The following RALGPS1 variants were observed in gnomAD, a reference collection of about 807,000 sequenced individuals.
The protein encoded by RALGPS1 is Ral GEF with PH domain and SH3 binding motif 1.
RALGPS1 carries 19 observed loss-of-function variants against 78.8 expected under a neutral mutation model. That is an observed-to-expected ratio of 0.24 (90% CI 0.17 to 0.35). RALGPS1 has a LOEUF of 0.35. Among genes scored for constraint, RALGPS1 ranks in the 10% least tolerant of loss-of-function variants. The probability of loss-of-function intolerance (pLI) is 1.00; values close to 1 mark genes in which losing one functional copy is unlikely to be tolerated. For synonymous variants in RALGPS1, 228 were observed against 256.3 expected (o/e 0.89, Z 1.06); for missense variants, 454 against 688.3 (o/e 0.66, Z 3.81).
chr9:127,148,319 C>T (rs2058221401), intron 8 of RALGPS1, among the ~76,000 whole-genome samples: 1 of 152,198 alleles, frequency 6.6e-6, no homozygotes, highest in African/African-American at 2.4e-5. Flanking sequence ...GGATGTGGGG[C>T]TCCCATGGAA....
At position 127,218,685 on chromosome 9, in the gene RALGPS1, C is replaced by T; in HGVS notation, c.1645-55C>T. On this transcript the variant is annotated intron_variant, in intron 18 of 18. Transcript: ENST00000259351. This position sits in a 1 kb window ranked among gnomAD's most constrained non-coding sequence, Gnocchi z 4.4. ...GTCCCTTCCCCTAGGGACCACCACC[C>T]CTTGTCCTTCTCTGAGGTCGGAACT... 1.9e-6 allele frequency: 3 copies of T among 1,575,130 alleles called. No homozygotes were observed. The highest frequency in any genetic ancestry group is 2.6e-6 in the Non-Finnish European group (3 of 1,144,612).
chr9:127,159,278 G>A (rs1246441870), intron 8 of RALGPS1, among the ~76,000 whole-genome samples: 1 of 152,152 alleles, frequency 6.6e-6, no homozygotes, highest in Non-Finnish European at 1.5e-5. Context: ...TACATTACCA[G>A]GCAATCCCCA....
rs939742183 is a variant in RALGPS1, at chr9:127,050,058, G to A, written c.316G>A (p.Val106Ile). 1 of 1,613,700 alleles carries A rather than the reference G, an allele frequency of 6.2e-7. No homozygotes were observed. The highest frequency in any genetic ancestry group is 8.5e-7 in the Non-Finnish European group (1 of 1,179,638). ...RRFNQVSFWV[V>I]REILTAQTLK... ...GACTCTACAGGTCAGTTTTTGGGTT[G>A]TACGAGAAATTCTAACAGCACAGAC... The change falls in exon 6 of 19, where the codon GTA becomes ATA. Residue 106 changes from valine (V) to isoleucine (I), a missense_variant. Transcript: ENST00000259351.
At chr9:127,021,511 AAG>A (rs2045442878) in intron 4 of RALGPS1, among the ~76,000 whole-genome samples, 1 of 151,616 alleles carries the variant, frequency 6.6e-6, no homozygotes, top group Non-Finnish European at 1.5e-5. Flanking sequence ...AAAAAAAAAA[AAG>A]GCATTCAGAT....
chr9:127,078,846 T>G (rs1181226800), intron 8 of RALGPS1, among the ~76,000 whole-genome samples: 3 of 152,240 alleles, frequency 2.0e-5, no homozygotes, highest in African/African-American at 4.8e-5. Flanking sequence ...AATTAGAAAC[T>G]AACACTAATT....
intron 3 of RALGPS1, among the ~76,000 whole-genome samples, chr9:126,977,193 C>T (rs1320278167): frequency 6.6e-6 from 1 of 152,142 alleles, no homozygotes; most frequent in Non-Finnish European, 1.5e-5. Flanking sequence ...TCTTGAATAG[C>T]ACTCTACCAT....
At chr9:127,217,060 C>T (rs978537017) in intron 18 of RALGPS1, 1 of 1,429,916 alleles carries the variant, frequency 7.0e-7, no homozygotes, top group Non-Finnish European at 9.2e-7. Flanking sequence ...GAGTAAAACC[C>T]ATTGTCCCTC....
intron 7 of RALGPS1, among the ~76,000 whole-genome samples, chr9:127,054,523 A>G (rs1281602744): frequency 1.3e-5 from 2 of 152,192 alleles, no homozygotes; most frequent in East Asian, 3.9e-4. Context: ...GGCCAGGCCC[A>G]TGGATGAAGC....
chr9:127,159,310 T>C (rs2058882392), intron 8 of RALGPS1, among the ~76,000 whole-genome samples: 1 of 152,150 alleles, frequency 6.6e-6, no homozygotes, highest in Non-Finnish European at 1.5e-5. Context: ...GATCTATAGT[T>C]GTGTCCTCAT....
chr9:127,159,479 C>T (rs866146318), intron 8 of RALGPS1, among the ~76,000 whole-genome samples: 2 of 152,328 alleles, frequency 1.3e-5, no homozygotes, highest in South Asian at 2.1e-4. Context: ...CTCTGACCAC[C>T]TGCCATGTGA....
Position 127,212,353 on chromosome 9 carries a change from G to C in RALGPS1, c.1353+117G>C. 2.6e-6 allele frequency: 2 copies of C among 772,166 alleles called. No individual in the cohort carries two copies. The highest frequency in any genetic ancestry group is 4.1e-6 in the Non-Finnish European group (2 of 485,116). The allele number at this position is 772,166 out of a possible 1,614,324, so 47.8% of individuals were successfully genotyped here. Reference sequence around the variant, plus strand: ...ATGGCAGAGGCTCTGCTTGCAGTGGGCATGCAGCGAGCTGAACTCTCAGGA... The same window carrying C: ...ATGGCAGAGGCTCTGCTTGCAGTGGCCATGCAGCGAGCTGAACTCTCAGGA... On this transcript the variant is annotated intron_variant, in intron 15 of 18. Coordinates refer to ENST00000259351, the MANE Select transcript of RALGPS1 (RefSeq NM_014636.3). The surrounding 1 kb of genome is among the most constrained non-coding windows in gnomAD (Gnocchi z 6.0).
chr9:126,921,992 G>T (rs1369777906), intron 1 of RALGPS1, among the ~76,000 whole-genome samples: 1 of 152,164 alleles, frequency 6.6e-6, no homozygotes, highest in African/African-American at 2.4e-5. Context: ...GGTGATGGGG[G>T]GCTGGGAAGC....
chr9:127,178,017 T>A, intron 11 of RALGPS1: 3 of 1,521,346 alleles, frequency 2.0e-6, no homozygotes, highest in Non-Finnish European at 2.7e-6. Context: ...CAATAAAGCA[T>A]GGCGAGGCAC....
intron 4 of RALGPS1, among the ~76,000 whole-genome samples, chr9:126,988,103 A>C (rs1043957069): frequency 3.9e-5 from 6 of 152,226 alleles, no homozygotes; most frequent in Admixed American, 6.5e-5. Flanking sequence ...CCAGGACCAA[A>C]ATCCAGAGGA....
chr9:127,131,169 G>A (rs2056980664), intron 8 of RALGPS1, among the ~76,000 whole-genome samples: 1 of 152,184 alleles, frequency 6.6e-6, no homozygotes, highest in Non-Finnish European at 1.5e-5. Context: ...AGGCAGCCGT[G>A]TTTGTTGGTA....
At chr9:127,031,551 C>T (rs1483925645) in intron 4 of RALGPS1, among the ~76,000 whole-genome samples, 9 of 152,232 alleles carry the variant, frequency 5.9e-5, no homozygotes, top group Non-Finnish European at 7.3e-5. Context: ...TCAGGCTCTG[C>T]CTCCTTCAGT....
At chr9:127,050,881 G>A (rs1365570669) in intron 6 of RALGPS1, among the ~76,000 whole-genome samples, 1 of 152,190 alleles carries the variant, frequency 6.6e-6, no homozygotes, top group African/African-American at 2.4e-5. Flanking sequence ...TCCTAGGAAA[G>A]CTGCCCTTTA....
In RALGPS1 at chr9:127,205,664, G is replaced by A. The variant is rs918113453; in HGVS notation, c.1248-6467G>A. ...CCATCTTGTGTCCATCCTTCTCTGT[G>A]CATATCTGCTTTACCCCTCCCCACT... On this transcript the variant is annotated intron_variant, in intron 14 of 18. Transcript: ENST00000259351. This position sits in a 1 kb window ranked among gnomAD's most constrained non-coding sequence, Gnocchi z 4.0. Among the ~76,000 whole-genome samples the A allele has an allele frequency of 6.6e-6, 1 of 152,200 alleles. No homozygotes were observed. The highest frequency in any genetic ancestry group is 2.4e-5 in the African/African-American group (1 of 41,458).
chr9:127,018,740 GTACTGTATATA>G (rs2045148383), intron 4 of RALGPS1, among the ~76,000 whole-genome samples: 1 of 151,922 alleles, frequency 6.6e-6, no homozygotes, highest in African/African-American at 2.4e-5. Context: ...CAAGTATTAT[GTACTGTATATA>G]ATTGTATGTG....
Sources: allele counts gnomAD v4.1 joint callset (sites outside exome capture counted in the v4.1 genomes callset), GRCh38; gene constraint gnomAD v4.1.1; non-coding constraint Gnocchi (gnomAD v3.1); transcripts MANE v1.5; gene names NCBI Gene and HGNC (gene_info 2026-07-23, HGNC 2026-07-21).